The following LINGO2 variants were observed in gnomAD, a reference collection of about 807,000 sequenced individuals.
The protein encoded by LINGO2 is leucine rich repeat and Ig domain containing 2.
A neutral mutation model predicts 30.6 loss-of-function variants in LINGO2; 14 were observed. That is an observed-to-expected ratio of 0.46 (90% CI 0.30 to 0.72). The LOEUF (loss-of-function observed/expected upper bound fraction) is 0.72, where lower values mean the gene tolerates loss of function less well. Ranked by LOEUF, LINGO2 falls within the 30% of genes least tolerant of loss-of-function variation. LINGO2 has a pLI of 0.07. For synonymous variants in LINGO2, 317 were observed against 288.5 expected, an observed-to-expected ratio of 1.10 and a Z score of -1.00; for missense variants, 729 against 751.7, an observed-to-expected ratio of 0.97 and a Z score of 0.35.
chr9:28,019,415 C>G (rs1823005064), intron 4 of LINGO2, among the ~76,000 whole-genome samples: 1 of 150,620 alleles, frequency 6.6e-6, no homozygotes, highest in South Asian at 2.1e-4. Context: ...TGGAAAGAAA[C>G]AAAGGAAGAT....
chr9:28,291,460 A>G (rs373329009), intron 4 of LINGO2, among the ~76,000 whole-genome samples: 79 of 152,302 alleles, frequency 5.2e-4, no homozygotes, highest in African/African-American at 1.6e-3. Flanking sequence ...GGGATAATGC[A>G]ATGAACAAAA....
intron 3 of LINGO2, among the ~76,000 whole-genome samples, chr9:28,318,321 T>G (rs1478208954): frequency 6.6e-6 from 1 of 152,226 alleles, no homozygotes; most frequent in Non-Finnish European, 1.5e-5. Flanking sequence ...CATCAAATTA[T>G]ACACATATTT....
chr9:29,065,537 A>G, the LINGO2 span, among the ~76,000 whole-genome samples: 7 of 151,922 alleles, frequency 4.6e-5, no homozygotes, highest in African/African-American at 1.7e-4. Flanking sequence ...GCTTTCCCCC[A>G]TTGCTTGTTA....
Position 28,595,094 on chromosome 9 carries a change from T to C in LINGO2, c.-365+75106A>G, listed in dbSNP as rs116635029. On this transcript the variant is annotated intron_variant, in intron 1 of 5. Transcript: ENST00000379992. ...AATAGTCAATATTGGCTCTAGGAAATCAATTACTCCACTGTTATCCATCAA... is the reference window on the plus strand; with the variant it reads ...AATAGTCAATATTGGCTCTAGGAAACCAATTACTCCACTGTTATCCATCAA... Among the ~76,000 whole-genome samples, 897 of 152,170 alleles carry C rather than the reference T, an allele frequency of 5.9e-3. 12 individuals carry two copies. Among genetic ancestry groups the C allele is most frequent in the African/African-American group, 0.021 (864 of 41,554 alleles).
At chr9:28,271,168 A>C (rs79754258) in intron 4 of LINGO2, among the ~76,000 whole-genome samples, 2 of 140,390 alleles carry the variant, frequency 1.4e-5, no homozygotes, top group East Asian at 2.0e-4. Context: ...AAAAAAAAAA[A>C]CACAAAAAAC....
At chr9:29,074,936 A>T in the LINGO2 span, among the ~76,000 whole-genome samples, 1 of 151,814 alleles carries the variant, frequency 6.6e-6, no homozygotes, top group Non-Finnish European at 1.5e-5. Flanking sequence ...TCGGCCTCCC[A>T]AAGTGCTGGG....
At chr9:28,587,936 C>T (rs1036527349) in intron 1 of LINGO2, among the ~76,000 whole-genome samples, 7 of 152,004 alleles carry the variant, frequency 4.6e-5, no homozygotes, top group Non-Finnish European at 4.4e-5. Context: ...CTGTGGACAC[C>T]GAGTTGGATG....
At chr9:28,469,897 TA>T (rs977903284) in intron 2 of LINGO2, among the ~76,000 whole-genome samples, 1 of 152,122 alleles carries the variant, frequency 6.6e-6, no homozygotes, top group Non-Finnish European at 1.5e-5. Context: ...AGTTCTCCAG[TA>T]AAAATGAACA....
intron 4 of LINGO2, among the ~76,000 whole-genome samples, chr9:28,028,355 G>C (rs7848817): frequency 6.6e-6 from 1 of 151,976 alleles, no homozygotes; most frequent in African/African-American, 2.4e-5. Flanking sequence ...TTTTCAAGCT[G>C]CTCTACCTGT....
the LINGO2 span, among the ~76,000 whole-genome samples, chr9:28,793,162 C>G: frequency 6.6e-6 from 1 of 151,956 alleles, no homozygotes; most frequent in Non-Finnish European, 1.5e-5. Context: ...AGACAAGAGA[C>G]AGAGAAACAA....
chr9:28,751,023 G>C, the LINGO2 span, among the ~76,000 whole-genome samples: 2 of 152,004 alleles, frequency 1.3e-5, no homozygotes, highest in Admixed American at 1.3e-4. Context: ...CCAGAAATTT[G>C]GGAGGACCAG....
At chr9:28,700,224 A>G in the LINGO2 span, among the ~76,000 whole-genome samples, 1 of 151,992 alleles carries the variant, frequency 6.6e-6, no homozygotes. Flanking sequence ...GCCAGCTGAC[A>G]CTAAAGGAAA....
At chr9:29,130,452 C>A in the LINGO2 span, among the ~76,000 whole-genome samples, 9 of 152,178 alleles carry the variant, frequency 5.9e-5, no homozygotes, top group South Asian at 1.9e-3. Context: ...GTGGAAAGAG[C>A]TAATCAAACT....
intron 1 of LINGO2, among the ~76,000 whole-genome samples, chr9:28,527,180 T>G (rs182870841): frequency 6.6e-6 from 1 of 152,254 alleles, no homozygotes; most frequent in East Asian, 1.9e-4. Context: ...GCAAACTTGG[T>G]TCACTGGACA....
At chr9:27,998,288 T>C (rs1023013454) in intron 5 of LINGO2, among the ~76,000 whole-genome samples, 9 of 152,174 alleles carry the variant, frequency 5.9e-5, no homozygotes, top group African/African-American at 2.2e-4. Flanking sequence ...TCACTTTCGG[T>C]GAAGCCAGCT....
chr9:28,416,299 G>A (rs1822965635), intron 2 of LINGO2, among the ~76,000 whole-genome samples: 1 of 151,914 alleles, frequency 6.6e-6, no homozygotes, highest in South Asian at 2.1e-4. Flanking sequence ...AATAAGCTTG[G>A]GTAGTAATCA....
the LINGO2 span, among the ~76,000 whole-genome samples, chr9:28,908,733 T>A: frequency 1.3e-5 from 2 of 151,900 alleles, no homozygotes; most frequent in Non-Finnish European, 2.9e-5. Flanking sequence ...AATTAAGTTT[T>A]TTCTGTAACA....
At chr9:28,250,854 A>C (rs975698567) in intron 4 of LINGO2, among the ~76,000 whole-genome samples, 1 of 152,038 alleles carries the variant, frequency 6.6e-6, no homozygotes, top group Non-Finnish European at 1.5e-5. Context: ...TTTCACAGCT[A>C]CCCAGTGATA....
intron 4 of LINGO2, among the ~76,000 whole-genome samples, chr9:28,066,520 T>G (rs895979957): frequency 6.6e-6 from 1 of 152,120 alleles, no homozygotes; most frequent in African/African-American, 2.4e-5. Context: ...GGTGGAAACC[T>G]TAGCTAGGAG....
Sources: allele counts gnomAD v4.1 joint callset (sites outside exome capture counted in the v4.1 genomes callset), GRCh38; gene constraint gnomAD v4.1.1; transcripts MANE v1.5; gene names NCBI Gene and HGNC (gene_info 2026-07-23, HGNC 2026-07-21).